RBPMS: variants seen among roughly 807,000 people sequenced by gnomAD.
RBPMS encodes RNA-binding protein with multiple splicing.
A neutral mutation model predicts 26.8 loss-of-function variants in RBPMS; 7 were observed. That is an observed-to-expected ratio of 0.26 (90% CI 0.15 to 0.49). The LOEUF (loss-of-function observed/expected upper bound fraction) is 0.49, where lower values mean the gene tolerates loss of function less well. Among genes scored for constraint, RBPMS ranks in the 20% least tolerant of loss-of-function variants. The pLI is 0.98. For missense variants in RBPMS, 186 were observed against 250.0 expected, an observed-to-expected ratio of 0.74 and a Z score of 1.73; for synonymous variants, 96 against 93.3, an observed-to-expected ratio of 1.03 and a Z score of -0.17.
intron 1 of RBPMS, among the ~76,000 whole-genome samples, chr8:30,460,703 C>A (rs1194822306): frequency 6.6e-6 from 1 of 152,008 alleles, no homozygotes; most frequent in Non-Finnish European, 1.5e-5. Context: ...AAGTTGAAAC[C>A]TCTCTTTTTA....
At chr8:30,544,878 T>A in intron 6 of RBPMS, 4 of 1,501,060 alleles carry the variant, frequency 2.7e-6, no homozygotes, top group Non-Finnish European at 3.5e-6. Flanking sequence ...TCACCTCATA[T>A]CGCACATGAG....
chr8:30,413,312 C>A (rs1172788848), intron 1 of RBPMS, among the ~76,000 whole-genome samples: 1 of 152,108 alleles, frequency 6.6e-6, no homozygotes, highest in Non-Finnish European at 1.5e-5. Flanking sequence ...CTCAAGCAAT[C>A]CTCCCACCTT....
rs540061732 is a variant in RBPMS, at chr8:30,544,790, G to A, written c.528+166G>A. On this transcript the variant is annotated intron_variant, in intron 6 of 8. Coordinates refer to ENST00000397323, the MANE Select transcript of RBPMS (RefSeq NM_001008710.3). ...AAGCTGACACTCCTTCAGGACTGAC[G>A]AGGATCGTCTGACAGCAATGATATC... The A allele has an allele frequency of 4.0e-5, 63 of 1,578,880 alleles. No individual in the cohort carries two copies. The African/African-American group carries it at 4.8e-4, about 12-fold the overall frequency.
intron 1 of RBPMS, among the ~76,000 whole-genome samples, chr8:30,393,251 T>C (rs573902726): frequency 6.6e-6 from 1 of 152,124 alleles, no homozygotes; most frequent in Non-Finnish European, 1.5e-5. Flanking sequence ...CTTTTTTTTT[T>C]GCTTTGCTCA....
intron 5 of RBPMS, among the ~76,000 whole-genome samples, chr8:30,522,310 G>A (rs1585752493): frequency 6.9e-6 from 1 of 144,284 alleles, no homozygotes; most frequent in South Asian, 2.3e-4. Flanking sequence ...CAACAAGAAA[G>A]AAACTCCACC....
At chr8:30,509,652 A>G (rs1014756797) in intron 5 of RBPMS, among the ~76,000 whole-genome samples, 2 of 152,198 alleles carry the variant, frequency 1.3e-5, no homozygotes, top group African/African-American at 2.4e-5. Flanking sequence ...TGGCATGCAC[A>G]ATTAGAAAGA....
At chr8:30,457,519 T>C (rs907888606) in intron 1 of RBPMS, among the ~76,000 whole-genome samples, 2 of 152,104 alleles carry the variant, frequency 1.3e-5, no homozygotes, top group Non-Finnish European at 2.9e-5. Flanking sequence ...TGTTTTATTA[T>C]GGGTAACTTC....
chr8:30,527,232 T>C (rs1186532768), intron 5 of RBPMS, among the ~76,000 whole-genome samples: 1 of 152,256 alleles, frequency 6.6e-6, no homozygotes, highest in East Asian at 1.9e-4. Context: ...CATTCTATAT[T>C]TGTAGCAGGA....
intron 4 of RBPMS, among the ~76,000 whole-genome samples, chr8:30,493,310 G>A (rs941031049): frequency 6.6e-6 from 1 of 152,158 alleles, no homozygotes; most frequent in African/African-American, 2.4e-5. Context: ...CATTTAGCAG[G>A]TAGCAGGAGA....
intron 1 of RBPMS, among the ~76,000 whole-genome samples, chr8:30,385,958 C>T (rs562245820): frequency 2.0e-5 from 3 of 152,274 alleles, no homozygotes; most frequent in African/African-American, 2.4e-5. Context: ...CAGGAACAAA[C>T]GTTTCAGAAT....
At position 30,508,329 on chromosome 8, in the gene RBPMS, A is replaced by G. The variant is rs151032272; in HGVS notation, c.397+3893A>G. Reference sequence around the variant, plus strand: ...AAGCCACTCACTCTGGTATATCACTATGGCAGCCCTAGAAATACAATACAT... The same window carrying G: ...AAGCCACTCACTCTGGTATATCACTGTGGCAGCCCTAGAAATACAATACAT... On this transcript the variant is annotated intron_variant, in intron 5 of 8. Transcript: ENST00000397323. 4.1e-4 allele frequency among the ~76,000 whole-genome samples: 62 copies of G among 152,316 alleles called. No individual in the cohort carries two copies. The East Asian group carries it at 0.011, about 26-fold the overall frequency.
chr8:30,527,280 G>A (rs754975031), intron 5 of RBPMS, among the ~76,000 whole-genome samples: 1 of 152,136 alleles, frequency 6.6e-6, no homozygotes, highest in Non-Finnish European at 1.5e-5. Context: ...CTGGAAGCTG[G>A]TGTGAGCATC....
intron 1 of RBPMS, among the ~76,000 whole-genome samples, chr8:30,457,549 A>G (rs1403917079): frequency 1.3e-5 from 2 of 151,582 alleles, no homozygotes; most frequent in Non-Finnish European, 2.9e-5. Flanking sequence ...CTGTAGCTAA[A>G]TGAAATCCTA....
intron 1 of RBPMS, among the ~76,000 whole-genome samples, chr8:30,469,096 G>A (rs6988150): frequency 0.67 from 101,395 of 152,098 alleles, 34,492 homozygotes; most frequent in Middle Eastern, 0.8. Context: ...ACCAGATGTG[G>A]CTGCTAGTTG....
At chr8:30,385,557 T>G (rs2150523510) in intron 1 of RBPMS, among the ~76,000 whole-genome samples, 1 of 151,436 alleles carries the variant, frequency 6.6e-6, no homozygotes, top group East Asian at 2.0e-4. Flanking sequence ...AGGAAGAAAC[T>G]CGGGGGAAAG....
chr8:30,421,212 A>T (rs1473828167), intron 1 of RBPMS, among the ~76,000 whole-genome samples: 3 of 152,022 alleles, frequency 2.0e-5, no homozygotes, highest in Non-Finnish European at 4.4e-5. Flanking sequence ...GGTCAGCTGC[A>T]GAACCTTCTG....
At chr8:30,549,312 G>C (rs1371442833) in intron 6 of RBPMS, among the ~76,000 whole-genome samples, 1 of 152,214 alleles carries the variant, frequency 6.6e-6, no homozygotes, top group Non-Finnish European at 1.5e-5. Flanking sequence ...CCTTGTCCTT[G>C]AGGCCTGGGA....
intron 6 of RBPMS, among the ~76,000 whole-genome samples, chr8:30,554,778 A>G (rs1826710967): frequency 6.6e-6 from 1 of 152,162 alleles, no homozygotes. Context: ...AAACAGTCCA[A>G]CCAGAGAGTA....
At chr8:30,435,371 A>G (rs1365487857) in intron 1 of RBPMS, among the ~76,000 whole-genome samples, 1 of 152,180 alleles carries the variant, frequency 6.6e-6, no homozygotes, top group Admixed American at 6.5e-5. Flanking sequence ...GCATTTAGAT[A>G]AGGGATGCTC....
Sources: gnomAD v4.1 joint callset for allele counts (sites outside exome capture counted in the v4.1 genomes callset) on GRCh38, gnomAD v4.1.1 for gene constraint, MANE v1.5 for transcripts, NCBI Gene and HGNC (gene_info 2026-07-23, HGNC 2026-07-21) for gene names.